Variants in RNF150 observed in about 807,000 individuals in gnomAD.
RNF150 encodes the protein ring finger protein 150.
A neutral mutation model predicts 39.3 loss-of-function variants in RNF150; 24 were observed. The ratio of observed to expected loss-of-function variants is 0.61; its 90% CI spans 0.44 to 0.86. The LOEUF (loss-of-function observed/expected upper bound fraction) is 0.86. Ranked by LOEUF, RNF150 falls within the 40% of genes least tolerant of loss-of-function variation. RNF150 has a pLI of 0.00. For synonymous variants in RNF150, 255 were observed against 227.3 expected (o/e 1.12, Z -1.10); for missense variants, 502 against 587.8 (o/e 0.85, Z 1.51).
intron 6 of RNF150, among the ~76,000 whole-genome samples, chr4:140,872,623 G>T (rs1728991137): frequency 6.6e-6 from 1 of 152,200 alleles, no homozygotes; most frequent in African/African-American, 2.4e-5. Context: ...ACAAATCAAA[G>T]AATGATTTTT....
At chr4:140,971,336 G>A (rs1470813928) in intron 1 of RNF150, among the ~76,000 whole-genome samples, 4 of 152,092 alleles carry the variant, frequency 2.6e-5, no homozygotes, top group Non-Finnish European at 5.9e-5. Flanking sequence ...GTTCAATGCT[G>A]CCTTAAGTAG....
intron 1 of RNF150, among the ~76,000 whole-genome samples, chr4:141,186,513 C>A (rs1286145836): frequency 6.6e-6 from 1 of 152,164 alleles, no homozygotes; most frequent in Admixed American, 6.5e-5. Flanking sequence ...ATTCTCCTGC[C>A]TCAGCCTCCC....
chr4:141,008,285 C>T (rs973572899), intron 1 of RNF150, among the ~76,000 whole-genome samples: 3 of 152,028 alleles, frequency 2.0e-5, no homozygotes, highest in African/African-American at 7.2e-5. Flanking sequence ...ATTGGGTTGG[C>T]TTTCTTACTA....
intron 4 of RNF150, among the ~76,000 whole-genome samples, chr4:140,937,236 A>T (rs1443271839): frequency 6.6e-6 from 1 of 152,168 alleles, no homozygotes; most frequent in Non-Finnish European, 1.5e-5. Flanking sequence ...ACTATTATGC[A>T]ACTACTAAAA....
intron 6 of RNF150, among the ~76,000 whole-genome samples, chr4:140,892,090 T>TAAATGA (rs2111228712): frequency 6.6e-6 from 1 of 152,370 alleles, no homozygotes; most frequent in South Asian, 2.1e-4. Flanking sequence ...TAATATAATG[T>TAAATGA]AAATGCTACC....
intron 1 of RNF150, among the ~76,000 whole-genome samples, chr4:140,988,298 T>C (rs1318865238): frequency 6.6e-6 from 1 of 152,056 alleles, no homozygotes; most frequent in Non-Finnish European, 1.5e-5. Context: ...AACACATGCA[T>C]GCGTATGTTC....
chr4:141,093,358 T>A (rs1738662606), intron 1 of RNF150, among the ~76,000 whole-genome samples: 2 of 120,624 alleles, frequency 1.7e-5, no homozygotes. Context: ...AGAGCGAGAC[T>A]CCATCTCAAA....
intron 1 of RNF150, among the ~76,000 whole-genome samples, chr4:141,091,273 T>C (rs4956504): frequency 0.37 from 56,336 of 152,082 alleles, 12,402 homozygotes; most frequent in Non-Finnish European, 0.48. Flanking sequence ...AATGAGTTAA[T>C]GAGCTAAGCC....
chr4:141,184,034 T>G (rs746336575), intron 1 of RNF150, among the ~76,000 whole-genome samples: 1 of 152,186 alleles, frequency 6.6e-6, no homozygotes, highest in Non-Finnish European at 1.5e-5. Context: ...GTAATGGGAT[T>G]GCTGGGTAAA....
intron 6 of RNF150, among the ~76,000 whole-genome samples, chr4:140,880,121 G>A (rs1185876043): frequency 6.6e-6 from 1 of 152,068 alleles, no homozygotes; most frequent in Non-Finnish European, 1.5e-5. Context: ...CTAGAATGAT[G>A]TTAGCTATAG....
At chr4:140,909,381 A>ATAAC (rs1419824430) in intron 6 of RNF150, among the ~76,000 whole-genome samples, 5 of 152,170 alleles carry the variant, frequency 3.3e-5, no homozygotes, top group African/African-American at 1.2e-4. Context: ...GAAGATAAAC[A>ATAAC]TAACTTTATA....
At chr4:140,971,646 A>T (rs2111434052) in intron 1 of RNF150, among the ~76,000 whole-genome samples, 1 of 152,220 alleles carries the variant, frequency 6.6e-6, no homozygotes, top group African/African-American at 2.4e-5. Context: ...ACGACAGCAG[A>T]GGAGCATCCT....
chr4:141,117,089 T>C (rs1385592603), intron 1 of RNF150, among the ~76,000 whole-genome samples: 2 of 152,248 alleles, frequency 1.3e-5, no homozygotes, highest in East Asian at 1.9e-4. Flanking sequence ...GGCACGTGTA[T>C]ACCTATGTAA....
rs1726927218 is a variant in RNF150 at position 141,132,606 on chromosome 4, T to C, written c.203A>G (p.His68Arg). 4 of 1,547,226 alleles carry C rather than the reference T, an allele frequency of 2.6e-6. No individual in the cohort carries two copies. The highest frequency in any genetic ancestry group is 1.7e-6 in the Non-Finnish European group (2 of 1,148,158). Reference protein sequence around the residue: ...GAAGGGGAELHTEKTECGRYG... With the variant: ...GAAGGGGAELRTEKTECGRYG... ...GCGCCCGCACTCCGTCTTCTCCGTG[T>C]GCAGCTCCGCGCCGCCGCCGCCCGC... Residue 68 changes from histidine (H) to arginine (R), a missense_variant, in exon 1 of 7, where the codon CAC becomes CGC. Transcript: ENST00000515673. This position sits in a 1 kb window ranked among gnomAD's most constrained non-coding sequence, Gnocchi z 4.9.
At chr4:141,211,782 T>C (rs754446160) in intron 1 of RNF150, among the ~76,000 whole-genome samples, 1 of 152,198 alleles carries the variant, frequency 6.6e-6, no homozygotes, top group African/African-American at 2.4e-5. Context: ...TTTTCAGGTT[T>C]GGAAGATAGG....
chr4:141,044,231 T>C (rs1399337589), intron 1 of RNF150, among the ~76,000 whole-genome samples: 1 of 152,152 alleles, frequency 6.6e-6, no homozygotes, highest in African/African-American at 2.4e-5. Context: ...GTCTTATTAG[T>C]TTTTAAATGC....
At chr4:141,162,714 C>T (rs1177936935) in intron 1 of RNF150, among the ~76,000 whole-genome samples, 1 of 152,082 alleles carries the variant, frequency 6.6e-6, no homozygotes, top group Non-Finnish European at 1.5e-5. Flanking sequence ...CAAGGAACTC[C>T]ATTTCCTAGC....
chr4:141,058,103 T>C (rs371989469), intron 1 of RNF150, among the ~76,000 whole-genome samples: 4 of 152,186 alleles, frequency 2.6e-5, no homozygotes, highest in East Asian at 1.9e-4. Flanking sequence ...GATCTTGATA[T>C]ACCAAATGGA....
At chr4:141,023,765 C>T (rs1735589630) in intron 1 of RNF150, among the ~76,000 whole-genome samples, 1 of 152,156 alleles carries the variant, frequency 6.6e-6, no homozygotes, top group Admixed American at 6.5e-5. Context: ...CAGCATGTCT[C>T]TGGACAAACT....
Sources: allele counts gnomAD v4.1 joint callset (sites outside exome capture counted in the v4.1 genomes callset), GRCh38; gene constraint gnomAD v4.1.1; non-coding constraint Gnocchi (gnomAD v3.1); transcripts MANE v1.5; gene names NCBI Gene and HGNC (gene_info 2026-07-23, HGNC 2026-07-21).